The following FAT1 variants were observed in gnomAD, a reference collection of about 807,000 sequenced individuals.
FAT1 encodes FAT atypical cadherin 1.
In FAT1, 171 loss-of-function variants were observed where a neutral mutation model predicts 329.8. The ratio of observed to expected loss-of-function variants is 0.52; its 90% CI spans 0.46 to 0.59. FAT1 has a LOEUF of 0.59. Ranked by LOEUF, FAT1 falls within the 20% of genes least tolerant of loss-of-function variation. The probability of loss-of-function intolerance (pLI) is 0.00; values close to 1 mark genes in which losing one functional copy is unlikely to be tolerated. For synonymous variants in FAT1, 2,233 were observed against 2,228.6 expected (o/e 1.00, Z -0.06); for missense variants, 5,672 against 5,774.4 (o/e 0.98, Z 0.57).
In FAT1 at chr4:186,603,894, C is replaced by T. The variant is rs112325579; in HGVS notation, c.10632G>A (p.Ala3544=). 6.8e-3 allele frequency: 10,981 copies of T among 1,613,862 alleles called. 49 individuals are homozygous for T. Among genetic ancestry groups the T allele is most frequent in the South Asian group, 8.3e-3 (759 of 91,076 alleles). ...TGATGAAAATCTCCAGGGGCAAAAT[C>T]GCAGGCGGATAGATGCTCTCCTCAA... The part of the protein sequence containing the change: ...RVIEESIYPP[A]ILPLEIFITS... The change falls in exon 19 of 27, where the codon GCG becomes GCA. Residue 3544 remains alanine, a synonymous_variant. Coordinates refer to ENST00000441802, the MANE Select transcript of FAT1 (RefSeq NM_005245.4).
intron 6 of FAT1, 115 bp from the exon 7 acceptor site, chr4:186,633,938 C>T: frequency 9.0e-7 from 1 of 1,113,278 alleles, no homozygotes; most frequent in Non-Finnish European, 1.3e-6. Context: ...TAGCAAAGAG[C>T]TTCCAAGGAG....
In FAT1 at chr4:186,681,076, G is replaced by A. The variant is rs116190413; in HGVS notation, c.3266-17463C>T. On this transcript the variant is annotated intron_variant, in intron 2 of 26. Coordinates refer to ENST00000441802, the MANE Select transcript of FAT1 (RefSeq NM_005245.4). Reference sequence around the variant, plus strand: ...GTCAAGAGTATCACCGAATTATTTCGGAATTGGAGAGGGAAACAAGAGTGA... The same window carrying A: ...GTCAAGAGTATCACCGAATTATTTCAGAATTGGAGAGGGAAACAAGAGTGA... Among the ~76,000 whole-genome samples the A allele has an allele frequency of 9.0e-3, 1,373 of 152,190 alleles. 10 individuals are homozygous for A. The highest frequency in any genetic ancestry group is 0.013 in the Non-Finnish European group (908 of 68,012).
intron 9 of FAT1, among the ~76,000 whole-genome samples, chr4:186,626,574 G>A (rs1417052902): frequency 1.5e-5 from 2 of 136,106 alleles, no homozygotes; most frequent in African/African-American, 5.6e-5. Flanking sequence ...CCAGCCCACA[G>A]AATGAATGCA....
At chr4:186,594,654 G>GTATA (rs376797587) in intron 26 of FAT1, among the ~76,000 whole-genome samples, 21 of 116,618 alleles carry the variant, frequency 1.8e-4, no homozygotes, top group African/African-American at 6.8e-4. Flanking sequence ...AATAGAGTGT[G>GTATA]TATATATATA....
At chr4:186,604,951 G>A (rs1739027195) in intron 17 of FAT1, among the ~76,000 whole-genome samples, 1 of 152,026 alleles carries the variant, frequency 6.6e-6, no homozygotes, top group Non-Finnish European at 1.5e-5. Flanking sequence ...AGGCGCGGTG[G>A]CTCACGCCTG....
At chr4:186,641,115 G>A (rs1212834520) in intron 3 of FAT1, among the ~76,000 whole-genome samples, 1 of 152,154 alleles carries the variant, frequency 6.6e-6, no homozygotes, top group African/African-American at 2.4e-5. Flanking sequence ...TAAGTGAAAG[G>A]CTTGTGTTTT....
chr4:186,675,389 C>T lies in FAT1; in HGVS notation c.3266-11776G>A, dbSNP rs564314920. 4.3e-3 allele frequency among the ~76,000 whole-genome samples: 654 copies of T among 152,018 alleles called. 5 individuals carry two copies. Among genetic ancestry groups the T allele is most frequent in the African/African-American group, 0.015 (630 of 41,454 alleles). On this transcript the variant is annotated intron_variant, in intron 2 of 26. Transcript: ENST00000441802. Reference sequence around the variant, plus strand: ...GGCTGAGGCAGGAGAATCGCTTGAACCCAGGAGGCGGAGGTTGCAGTGAGT... The same window carrying T: ...GGCTGAGGCAGGAGAATCGCTTGAATCCAGGAGGCGGAGGTTGCAGTGAGT...
chr4:186,590,323 T>C (rs759555126), intron 26 of FAT1: 49 of 1,246,596 alleles, frequency 3.9e-5, no homozygotes, highest in Non-Finnish European at 5.1e-5. Context: ...GCTTGACCCA[T>C]TGTTTTTAGT....
In FAT1 at chr4:186,708,682, G is replaced by A. The variant is rs371822287; in HGVS notation, c.1146C>T (p.Pro382=). The A allele has an allele frequency of 1.9e-6, 3 of 1,613,806 alleles. No homozygotes were observed. The highest frequency in any genetic ancestry group is 2.5e-6 in the Non-Finnish European group (3 of 1,179,876). Residue 382 remains proline (P), a synonymous_variant, in exon 2 of 27, where the codon CCC becomes CCT. Coordinates refer to ENST00000441802, the MANE Select transcript of FAT1 (RefSeq NM_005245.4). ...CCTTTACCATGACCACAGGTGTGTT[G>A]GGAGGAGCAAATTCACTTATTTCTG... ...YRAEISEFAP[P]NTPVVMVKAI... is the part of the protein sequence containing the mutation.
intron 22 of FAT1, among the ~76,000 whole-genome samples, chr4:186,599,675 C>T (rs985528430): frequency 5.9e-5 from 9 of 152,182 alleles, no homozygotes; most frequent in Non-Finnish European, 8.8e-5. Context: ...GCACTGCAGG[C>T]GCTCAGCAGT....
chr4:186,689,717 C>T (rs76631647), intron 2 of FAT1, among the ~76,000 whole-genome samples: 2,375 of 152,336 alleles, frequency 0.016, 24 homozygotes, highest in Non-Finnish European at 0.024. Context: ...CACCCACCCA[C>T]ACCAGGCTAA....
chr4:186,675,717 A>G (rs897282400), intron 2 of FAT1, among the ~76,000 whole-genome samples: 1 of 151,608 alleles, frequency 6.6e-6, no homozygotes, highest in African/African-American at 2.4e-5. Flanking sequence ...ATTCCAGCCC[A>G]GGTGACAGAG....
intron 3 of FAT1, among the ~76,000 whole-genome samples, chr4:186,644,979 T>G (rs1354818548): frequency 6.6e-6 from 1 of 152,080 alleles, no homozygotes; most frequent in Non-Finnish European, 1.5e-5. Flanking sequence ...TGAGAAACAG[T>G]AAGACAGGAT....
upstream of FAT1, among the ~76,000 whole-genome samples, chr4:186,724,010 C>T (rs1411685360): frequency 1.3e-5 from 2 of 151,134 alleles, no homozygotes; most frequent in East Asian, 3.9e-4. This position sits in a 1 kb window ranked among gnomAD's most constrained non-coding sequence, Gnocchi z 5.3. Context: ...GAGCCCCAGT[C>T]CCTGCGAACA....
At chr4:186,702,072 C>A (rs760709677) in intron 2 of FAT1, among the ~76,000 whole-genome samples, 1 of 151,942 alleles carries the variant, frequency 6.6e-6, no homozygotes, top group Admixed American at 6.5e-5. Context: ...GGCCAGGAGC[C>A]GACCTCCACA....
rs568814647 is a variant in FAT1, at chr4:186,709,225, A to G, written c.603T>C (p.Ser201=). The G allele has an allele frequency of 5.0e-6, 8 of 1,613,928 alleles. No individual in the cohort carries two copies. In the South Asian group the frequency reaches 6.6e-5, roughly 13 times the overall value. ...GTCTACCAGTTAACACTATCACACCACTGGTTGGGTGAATAGCAAACATAT... is the reference window on the plus strand; with the variant it reads ...GTCTACCAGTTAACACTATCACACCGCTGGTTGGGTGAATAGCAAACATAT... ...RTDMFAIHPT[S]GVIVLTGRLD... Residue 201 remains serine (S), a synonymous_variant, in exon 2 of 27, where the codon AGT becomes AGC. Transcript: ENST00000441802.
intron 9 of FAT1, among the ~76,000 whole-genome samples, chr4:186,624,368 G>T (rs1421362599): frequency 6.6e-6 from 1 of 152,048 alleles, no homozygotes; most frequent in African/African-American, 2.4e-5. Context: ...GTTCAGCTGG[G>T]GCCCCACTGA....
At chr4:186,690,230 C>T (rs920992721) in intron 2 of FAT1, among the ~76,000 whole-genome samples, 1 of 152,166 alleles carries the variant, frequency 6.6e-6, no homozygotes, top group East Asian at 1.9e-4. Flanking sequence ...GTTTACTATT[C>T]ATTAGAATGC....
At chr4:186,629,297 G>A (rs1472200801) in intron 7 of FAT1, among the ~76,000 whole-genome samples, 2 of 152,056 alleles carry the variant, frequency 1.3e-5, no homozygotes, top group African/African-American at 4.8e-5. Context: ...AGAAATCACT[G>A]TATTTCTGTG....
Sources: gnomAD v4.1 joint callset for allele counts (sites outside exome capture counted in the v4.1 genomes callset) on GRCh38, gnomAD v4.1.1 for gene constraint, Gnocchi (gnomAD v3.1) non-coding constraint, MANE v1.5 for transcripts, NCBI Gene and HGNC (gene_info 2026-07-23, HGNC 2026-07-21) for gene names.